PDE7B: variants seen among roughly 807,000 people sequenced by gnomAD.
PDE7B encodes 3',5'-cyclic-AMP phosphodiesterase 7B.
A neutral mutation model predicts 56.2 loss-of-function variants in PDE7B; 29 were observed. The ratio of observed to expected loss-of-function variants is 0.52; its 90% CI spans 0.38 to 0.70. PDE7B has a LOEUF of 0.70. PDE7B is among the 30% of genes least tolerant of loss of function. PDE7B has a pLI of 0.00. For synonymous variants in PDE7B, 197 were observed against 196.9 expected (o/e 1.00, Z 0.00); for missense variants, 490 against 565.0 (o/e 0.87, Z 1.35).
intron 1 of PDE7B, among the ~76,000 whole-genome samples, chr6:135,861,457 C>T (rs571270075): frequency 1.9e-4 from 28 of 150,920 alleles, no homozygotes; most frequent in Admixed American, 7.3e-4. Flanking sequence ...ATGTAAATAT[C>T]TTTTTTGTCA....
At chr6:136,069,003 T>C (rs1240878226) in intron 2 of PDE7B, among the ~76,000 whole-genome samples, 2 of 152,170 alleles carry the variant, frequency 1.3e-5, no homozygotes, top group Non-Finnish European at 2.9e-5. Context: ...TCTGTTTTAA[T>C]GTCAGTGCTG....
chr6:135,978,046 T>G (rs1173812743), intron 2 of PDE7B, among the ~76,000 whole-genome samples: 1 of 152,150 alleles, frequency 6.6e-6, no homozygotes, highest in Non-Finnish European at 1.5e-5. Flanking sequence ...CACTTAACTG[T>G]GCGGATACAT....
At chr6:135,941,415 A>C (rs992695367) in intron 1 of PDE7B, among the ~76,000 whole-genome samples, 20 of 152,196 alleles carry the variant, frequency 1.3e-4, no homozygotes, top group African/African-American at 3.6e-4. Context: ...CATGGGTATC[A>C]AGAGGCAATT....
At chr6:136,160,058 TG>T (rs1778677083) in intron 8 of PDE7B, among the ~76,000 whole-genome samples, 1 of 152,122 alleles carries the variant, frequency 6.6e-6, no homozygotes, top group Admixed American at 6.5e-5. Context: ...CCTTAGAAGT[TG>T]GAAGGGTTTT....
At chr6:136,117,953 G>T (rs1045658652) in intron 3 of PDE7B, among the ~76,000 whole-genome samples, 1 of 152,102 alleles carries the variant, frequency 6.6e-6, no homozygotes, top group Non-Finnish European at 1.5e-5. Context: ...TTAGACCTGG[G>T]TTTGAATCCT....
intron 8 of PDE7B, among the ~76,000 whole-genome samples, chr6:136,158,573 G>C (rs1463532526): frequency 6.6e-6 from 1 of 152,140 alleles, no homozygotes; most frequent in Non-Finnish European, 1.5e-5. Flanking sequence ...GAGGATCATT[G>C]CATAACATCC....
intron 2 of PDE7B, among the ~76,000 whole-genome samples, chr6:135,997,275 G>A (rs1432980962): frequency 6.6e-6 from 1 of 151,454 alleles, no homozygotes; most frequent in African/African-American, 2.4e-5. Context: ...TTAGCCAGGT[G>A]TGGTGGCATG....
intron 3 of PDE7B, among the ~76,000 whole-genome samples, chr6:136,135,409 C>T (rs1161016540): frequency 6.6e-6 from 1 of 151,960 alleles, no homozygotes; most frequent in Non-Finnish European, 1.5e-5. Context: ...CTAAGCCTAG[C>T]AAATGCCCTA....
intron 3 of PDE7B, among the ~76,000 whole-genome samples, chr6:136,129,791 T>C (rs1778084990): frequency 6.6e-6 from 1 of 152,244 alleles, no homozygotes; most frequent in Non-Finnish European, 1.5e-5. Flanking sequence ...GTCTCCACCT[T>C]CTGCTTCTCT....
chr6:136,041,364 G>A lies in PDE7B; in HGVS notation c.83-67367G>A, dbSNP rs149916263. 8.8e-3 allele frequency among the ~76,000 whole-genome samples: 1,347 copies of A among 152,340 alleles called. 11 individuals carry two copies. Among genetic ancestry groups the A allele is most frequent in the Non-Finnish European group, 0.014 (965 of 68,036 alleles). ...AATATGGGAACATAAATATGTGTTC[G>A]TGAGAGATTTTAAGGTGAAATACGC... On this transcript the variant is annotated intron_variant, in intron 2 of 12. Coordinates refer to ENST00000308191, the MANE Select transcript of PDE7B (RefSeq NM_018945.4).
intron 2 of PDE7B, among the ~76,000 whole-genome samples, chr6:135,948,844 TAGATAGA>T (rs1774636747): frequency 6.1e-4 from 3 of 4,948 alleles, no homozygotes; most frequent in Non-Finnish European, 1.5e-3. Flanking sequence ...TTTCAGGTAC[TAGATAGA>T]TAGATAGATA....
chr6:135,863,692 ATTT>A (rs200974005), intron 1 of PDE7B, among the ~76,000 whole-genome samples: 15 of 138,586 alleles, frequency 1.1e-4, no homozygotes, highest in African/African-American at 1.3e-4. Flanking sequence ...ATCCCTTCCA[ATTT>A]TTTTTTTTTT....
At chr6:135,873,506 TATG>T (rs1775429723) in intron 1 of PDE7B, among the ~76,000 whole-genome samples, 1 of 152,178 alleles carries the variant, frequency 6.6e-6, no homozygotes, top group Non-Finnish European at 1.5e-5. Context: ...TTTAATATAG[TATG>T]ATGTAGTTCT....
chr6:136,183,040 C>G (rs772365432), intron 11 of PDE7B, among the ~76,000 whole-genome samples: 1 of 148,862 alleles, frequency 6.7e-6, no homozygotes, highest in Non-Finnish European at 1.5e-5. Flanking sequence ...CCACTACACT[C>G]CAGCCTGGGC....
chr6:136,147,301 T>C (rs756232974), intron 3 of PDE7B, 50 bp from the exon 4 acceptor site: 19 of 1,277,714 alleles, frequency 1.5e-5, no homozygotes, highest in South Asian at 6.0e-5. Flanking sequence ...GTGGAGAAAA[T>C]TGGCTCTCTT....
intron 2 of PDE7B, among the ~76,000 whole-genome samples, chr6:136,086,356 T>G (rs372748488): frequency 3.6e-4 from 54 of 152,024 alleles, no homozygotes; most frequent in African/African-American, 1.2e-3. Flanking sequence ...TTTTATTTAT[T>G]TTATTTTTTG....
At chr6:135,906,815 T>TTTTTG (rs1776117736) in intron 1 of PDE7B, among the ~76,000 whole-genome samples, 2 of 141,990 alleles carry the variant, frequency 1.4e-5, no homozygotes, top group South Asian at 4.6e-4. Flanking sequence ...GGTTTGTTTT[T>TTTTTG]TTTTTTTTTT....
At chr6:136,028,198 C>T (rs572816330) in intron 2 of PDE7B, among the ~76,000 whole-genome samples, 1 of 152,256 alleles carries the variant, frequency 6.6e-6, no homozygotes, top group East Asian at 1.9e-4. Flanking sequence ...GTTCAACAGC[C>T]TCTGCAATCC....
chr6:135,884,978 C>T (rs115901663), intron 1 of PDE7B, among the ~76,000 whole-genome samples: 3,592 of 152,212 alleles, frequency 0.024, 156 homozygotes, highest in African/African-American at 0.081. Flanking sequence ...AGCATGTCAG[C>T]GGCAGAGCCC....
Sources: allele counts gnomAD v4.1 joint callset (sites outside exome capture counted in the v4.1 genomes callset), GRCh38; gene constraint gnomAD v4.1.1; transcripts MANE v1.5; gene names NCBI Gene and HGNC (gene_info 2026-07-23, HGNC 2026-07-21).